Variants in MROH7 observed in about 807,000 individuals in gnomAD.
MROH7 encodes maestro heat like repeat family member 7.
In MROH7, 113 loss-of-function variants were observed where a neutral mutation model predicts 129.2. That is an observed-to-expected ratio of 0.87 (90% CI 0.75 to 1.02). MROH7 has a LOEUF of 1.02. MROH7 is among the 50% of genes least tolerant of loss of function. The pLI, the probability that MROH7 is intolerant of heterozygous loss-of-function variation, is 0.00. For missense variants in MROH7, 1,601 were observed against 1,671.3 expected (o/e 0.96, Z 0.73); for synonymous variants, 655 against 667.9 (o/e 0.98, Z 0.30).
chr1:54,701,347 GC>G (rs1467269503), intron 19 of MROH7, 25 bp downstream of exon 19: 2 of 1,537,448 alleles, frequency 1.3e-6, no homozygotes, highest in East Asian at 4.6e-5. Flanking sequence ...GAGCGAAGGA[GC>G]AGGAGGGATC....
Position 54,678,778 on chromosome 1 carries a change from T to G in MROH7, c.1973T>G (p.Leu658Arg), listed in dbSNP as rs747306038. ...RDKEETNKKE[L>R]YESNKHFLGP... ...AAGGAAGAGACCAACAAAAAGGAGC[T>G]ATATGAGAGCAACAAGCATTTCCTG... Residue 658 changes from leucine (L) to arginine (R), a missense_variant, in exon 11 of 24, where the codon CTA becomes CGA. Leu to Arg is a moderately radical substitution (Grantham distance 102). Transcript: ENST00000421030. 4 of 1,614,022 alleles carry G rather than the reference T, an allele frequency of 2.5e-6. No homozygotes were observed.
At position 54,653,256 on chromosome 1, in the gene MROH7, G is replaced by A. The variant is rs908886897; in HGVS notation, c.330G>A (p.Lys110=). The change falls in exon 3 of 24, where the codon AAG becomes AAA. Residue 110 remains lysine (K), a synonymous_variant. Coordinates refer to ENST00000421030, the MANE Select transcript of MROH7 (RefSeq NM_001039464.4). ...CSGEALDLDS[K]DVSRPDSQGR... is the part of the protein sequence containing the mutation. ...GTGAAGCCCTGGACCTGGATTCCAA[G>A]GATGTCTCAAGGCCTGACTCACAGG... 4.3e-6 allele frequency: 7 copies of A among 1,614,048 alleles called. No individual in the cohort carries two copies. The highest frequency in any genetic ancestry group is 5.9e-6 in the Non-Finnish European group (7 of 1,180,042).
chr1:54,642,210 A>G (rs1468081909), intron 1 of MROH7, among the ~76,000 whole-genome samples: 1 of 152,182 alleles, frequency 6.6e-6, no homozygotes, highest in African/African-American at 2.4e-5. Context: ...GTGGGGATGA[A>G]CATTTATTGA....
At chr1:54,678,888 TG>T in intron 11 of MROH7, 34 bp downstream of exon 11, 2 of 1,548,058 alleles carry the variant, frequency 1.3e-6, no homozygotes, top group Non-Finnish European at 1.8e-6. Context: ...GAGCGGAGGG[TG>T]GGGGGTGAGG....
At chr1:54,671,575 C>T (rs1391593116) in intron 7 of MROH7, among the ~76,000 whole-genome samples, 1 of 152,184 alleles carries the variant, frequency 6.6e-6, no homozygotes, top group East Asian at 1.9e-4. Flanking sequence ...CCTGGAGAAG[C>T]AGAACCTCAG....
At chr1:54,649,696 A>G (rs1305887473) in intron 1 of MROH7, among the ~76,000 whole-genome samples, 6 of 152,174 alleles carry the variant, frequency 3.9e-5, no homozygotes, top group Admixed American at 6.5e-5. Flanking sequence ...AACAAGCCAT[A>G]TTTTCCAGGT....
rs115367300 is a variant in MROH7 at position 54,708,644 on chromosome 1, G to C, written c.3668-370G>C. On this transcript the variant is annotated intron_variant, in intron 22 of 23. Coordinates refer to ENST00000421030, the MANE Select transcript of MROH7 (RefSeq NM_001039464.4). ...GCCTTGCCTGACAGGTATGCAAGGT[G>C]CTCAGTGTCTTACATTACTGCTCAA... is the stretch of plus-strand genomic sequence containing the variant. Among the ~76,000 whole-genome samples, 536 of 152,284 alleles carry C rather than the reference G, an allele frequency of 3.5e-3. 5 individuals are homozygous for C. The highest frequency in any genetic ancestry group is 0.012 in the African/African-American group (505 of 41,554).
chr1:54,687,601 A>G (rs924119599), intron 15 of MROH7, among the ~76,000 whole-genome samples: 3 of 152,226 alleles, frequency 2.0e-5, no homozygotes, highest in African/African-American at 7.2e-5. Context: ...CTTCTGCATT[A>G]CATGTTAAGG....
chr1:54,706,641 C>T (rs944419203), intron 22 of MROH7, 104 bp downstream of exon 22: 1 of 816,194 alleles, frequency 1.2e-6, no homozygotes, highest in Non-Finnish European at 2.0e-6. Flanking sequence ...GGGGATGCTT[C>T]CCTTTGGGTG....
intron 21 of MROH7, 139 bp from the exon 22 acceptor site, chr1:54,706,296 C>A: frequency 1.5e-6 from 1 of 666,942 alleles, no homozygotes; most frequent in Non-Finnish European, 2.7e-6. Flanking sequence ...AAGCCCTGGC[C>A]TGTGGGGGAC....
chr1:54,691,927 A>G (rs567243662), intron 15 of MROH7, among the ~76,000 whole-genome samples: 10 of 137,414 alleles, frequency 7.3e-5, no homozygotes, highest in Non-Finnish European at 1.2e-4. Flanking sequence ...CCAGGCATAC[A>G]GTAGGATGTC....
chr1:54,654,126 G>T lies in MROH7; in HGVS notation c.1200G>T (p.Lys400Asn). Reference sequence around the variant, plus strand: ...TCCCCATCTCCAACCCCGCAGGCAAGGACGCCGTGACCTTGCAAGGCATCC... The same window carrying T: ...TCCCCATCTCCAACCCCGCAGGCAATGACGCCGTGACCTTGCAAGGCATCC... The part of the protein sequence containing the change: ...LGFPISNPAG[K>N]DAVTLQGIPE... Residue 400 changes from lysine (K) to asparagine (N), a missense_variant, in exon 3 of 24, where the codon AAG becomes AAT. Physicochemically the swap from Lys to Asn is moderately conservative, Grantham distance 94. Transcript: ENST00000421030. 1 of 1,612,940 alleles carries T rather than the reference G, an allele frequency of 6.2e-7. No individual in the cohort carries two copies. The highest frequency in any genetic ancestry group is 8.5e-7 in the Non-Finnish European group (1 of 1,179,410).
intron 8 of MROH7, 139 bp downstream of exon 8, chr1:54,673,325 G>A: frequency 1.5e-6 from 1 of 668,220 alleles, no homozygotes; most frequent in Non-Finnish European, 2.7e-6. Context: ...CTGCCTCCCT[G>A]TCTGTCTCAC....
Position 54,670,873 on chromosome 1 carries a change from C to A in MROH7, c.1543C>A (p.Leu515Met). The A allele has an allele frequency of 6.2e-7, 1 of 1,613,332 alleles. No homozygotes were observed. The highest frequency in any genetic ancestry group is 1.1e-5 in the South Asian group (1 of 90,778). The change falls in exon 7 of 24, where the codon CTG becomes ATG. Residue 515 changes from leucine to methionine, a missense_variant. By Grantham distance (15) the Leu-to-Met change is conservative. Transcript: ENST00000421030. ...VNVCVHSVFS[L>M]PSVQAMQEKD... The stretch of plus-strand genomic sequence containing the variant: ...CGTGTGTGTGCACAGCGTGTTCTCC[C>A]TGCCCTCCGTGCAGGCGATGCAGGA...
chr1:54,665,727 A>T (rs755371079), intron 4 of MROH7: 1 of 157,114 alleles, frequency 6.4e-6, no homozygotes, highest in African/African-American at 2.4e-5. Context: ...AGTGGGGAAG[A>T]CTAGACAAAC....
In MROH7 at chr1:54,641,938, T is replaced by G. The variant is rs1412632899; in HGVS notation, c.-140T>G. 1 of 152,230 alleles carries G rather than the reference T, an allele frequency of 6.6e-6. No individual in the cohort carries two copies. Among genetic ancestry groups the G allele is most frequent in the East Asian group, 1.9e-4 (1 of 5,178 alleles). 9.4% of individuals were successfully genotyped at this position (152,230 alleles called of 1,614,324 possible). On this transcript the variant is annotated 5_prime_UTR_variant, in exon 1 of 24. Transcript: ENST00000421030. ...CATATCTTTGGCTTAGAGCTGGATT[T>G]TCTGTTACCATGTGGATGCTCCAGG... is the stretch of plus-strand genomic sequence containing the variant.
In MROH7 at chr1:54,668,394, T is replaced by C. The variant is rs191794823; in HGVS notation, c.1306-460T>C. Among the ~76,000 whole-genome samples, 6 of 152,360 alleles carry C rather than the reference T, an allele frequency of 3.9e-5. No homozygotes were observed. The East Asian group carries it at 1.2e-3, about 29-fold the overall frequency. On this transcript the variant is annotated intron_variant, in intron 4 of 23. Transcript: ENST00000421030. ...AATTAGTTTTCTTATTTCATGGTCATTGTTTATTTTCCTTCTTCTCCCTTA... is the reference window on the plus strand; with the variant it reads ...AATTAGTTTTCTTATTTCATGGTCACTGTTTATTTTCCTTCTTCTCCCTTA...
At chr1:54,699,825 A>G (rs112534489) in intron 17 of MROH7, 55 of 411,162 alleles carry the variant, frequency 1.3e-4, no homozygotes, top group African/African-American at 1.1e-3. Context: ...GGAAGGAGGC[A>G]GTCAGCCTAA....
At chr1:54,694,644 A>AT (rs1487204910) in intron 16 of MROH7, among the ~76,000 whole-genome samples, 1 of 151,706 alleles carries the variant, frequency 6.6e-6, no homozygotes, top group Non-Finnish European at 1.5e-5. Context: ...TTTTTTTTGT[A>AT]TTTTTAGTAG....
Sources: gnomAD v4.1 joint callset for allele counts (sites outside exome capture counted in the v4.1 genomes callset) on GRCh38, gnomAD v4.1.1 for gene constraint, MANE v1.5 for transcripts, NCBI Gene and HGNC (gene_info 2026-07-23, HGNC 2026-07-21) for gene names.